Variants in PSTPIP1 observed in about 807,000 individuals in gnomAD.
PSTPIP1 encodes proline-serine-threonine phosphatase interacting protein 1, also known as proline-serine-threonine phosphatase-interacting protein 1.
A neutral mutation model predicts 69.6 loss-of-function variants in PSTPIP1; 66 were observed. The observed-to-expected ratio is 0.95, with a 90% CI of 0.78 to 1.16. The LOEUF (loss-of-function observed/expected upper bound fraction) is 1.16. PSTPIP1 is among the 50% of genes most tolerant of loss of function. The probability of loss-of-function intolerance (pLI) is 0.00; values close to 1 mark genes in which losing one functional copy is unlikely to be tolerated. For missense variants in PSTPIP1, 603 were observed against 557.4 expected (o/e 1.08, Z -0.82); for synonymous variants, 266 against 222.7 (o/e 1.19, Z -1.73).
intron 1 of PSTPIP1, among the ~76,000 whole-genome samples, chr15:77,001,767 A>T (rs2075713166): frequency 6.6e-6 from 1 of 152,218 alleles, no homozygotes; most frequent in Non-Finnish European, 1.5e-5. Context: ...GTGGGGAAAT[A>T]AGCATTTATA....
At chr15:76,995,079 A>C (rs917780794), upstream of PSTPIP1, 3 of 1,176,910 alleles carry the variant, frequency 2.5e-6, no homozygotes, top group Middle Eastern at 3.9e-4. Flanking sequence ...CAGCAACTCC[A>C]CTTCCTGTGG....
At chr15:77,034,637 C>G (rs1237507513) in intron 12 of PSTPIP1, among the ~76,000 whole-genome samples, 1 of 152,180 alleles carries the variant, frequency 6.6e-6, no homozygotes, top group African/African-American at 2.4e-5. Flanking sequence ...TCCCCTGCAC[C>G]TGAGCCCTCC....
intron 10 of PSTPIP1, 149 bp downstream of exon 10, chr15:77,031,427 T>TG: frequency 1.3e-6 from 1 of 753,582 alleles, no homozygotes; most frequent in South Asian, 1.6e-5. Flanking sequence ...GCTCAGCCTT[T>TG]GCCCCCAGAA....
At chr15:77,035,060 G>T (rs2076523491) in intron 12 of PSTPIP1, among the ~76,000 whole-genome samples, 1 of 152,228 alleles carries the variant, frequency 6.6e-6, no homozygotes, top group African/African-American at 2.4e-5. Flanking sequence ...GTGTGGCAGT[G>T]CACCCCCCAC....
At position 77,037,303 on chromosome 15, in the gene PSTPIP1, C is replaced by A; in HGVS notation, c.*127C>A. ...GCCCCGAGAGGGAGCCTGTCGTCTC[C>A]CAGGGAATAAAGGAGTGCGTTCTGT... On this transcript the variant is annotated 3_prime_UTR_variant, in exon 15 of 15. Coordinates refer to ENST00000558012, the MANE Select transcript of PSTPIP1 (RefSeq NM_003978.5). The A allele has an allele frequency of 1.5e-6, 2 of 1,297,084 alleles. No individual in the cohort carries two copies. The highest frequency in any genetic ancestry group is 1.4e-5 in the South Asian group (1 of 69,990). 80.3% of individuals were successfully genotyped at this position (1,297,084 alleles called of 1,614,324 possible).
At chr15:77,024,658 G>C (rs1445388576) in intron 3 of PSTPIP1, among the ~76,000 whole-genome samples, 1 of 152,182 alleles carries the variant, frequency 6.6e-6, no homozygotes, top group Non-Finnish European at 1.5e-5. Context: ...TGGGTGTCCT[G>C]TTTTTATGTG....
Position 77,028,540 on chromosome 15 carries a change from C to T in PSTPIP1, c.418-14C>T, listed in dbSNP as rs770168257. Reference sequence around the variant, plus strand: ...GCTGTGCAGCCCCCAAGTCACGCCCCTCCACACCCCCAGTCCAAGAAGACA... The same window carrying T: ...GCTGTGCAGCCCCCAAGTCACGCCCTTCCACACCCCCAGTCCAAGAAGACA... On this transcript the variant is annotated splice_polypyrimidine_tract_variant and intron_variant, in intron 6 of 14. Coordinates refer to ENST00000558012, the MANE Select transcript of PSTPIP1 (RefSeq NM_003978.5). 1.3e-6 allele frequency: 2 copies of T among 1,589,708 alleles called. No homozygotes were observed.
chr15:76,995,009 G>C (rs1299691409), upstream of PSTPIP1: 2 of 1,188,204 alleles, frequency 1.7e-6, no homozygotes, highest in Non-Finnish European at 2.1e-6. Flanking sequence ...CACCTCGGGA[G>C]GGGGCAAGCA....
chr15:76,995,160 G>A lies in PSTPIP1; in HGVS notation c.-414G>A. The A allele has an allele frequency of 1.7e-6, 2 of 1,187,528 alleles. No homozygotes were observed. The allele number at this position is 1,187,528 out of a possible 1,614,324, so 73.6% of individuals were successfully genotyped here. On this transcript the variant is annotated 5_prime_UTR_variant, in exon 1 of 15. Transcript: ENST00000558012. ...TGCGCAGGCCTCGGGCTGCCTGCCT[G>A]CCTGCCTGCCTGGCCCGGCCCGAGC...
At chr15:77,009,918 T>A (rs540092791) in intron 1 of PSTPIP1, among the ~76,000 whole-genome samples, 1 of 152,286 alleles carries the variant, frequency 6.6e-6, no homozygotes, top group Non-Finnish European at 1.5e-5. Flanking sequence ...GGATGTGCAA[T>A]GACAGTGCCT....
chr15:77,031,169 A>G lies in PSTPIP1; in HGVS notation c.643-11A>G. On this transcript the variant is annotated splice_polypyrimidine_tract_variant and intron_variant, in intron 9 of 14. Coordinates refer to ENST00000558012, the MANE Select transcript of PSTPIP1 (RefSeq NM_003978.5). ...CCTCCTCACTGCTCACCTCCCTCCC[A>G]CTGCCCCCAGGCCTTTCAGCTGCAA... The G allele has an allele frequency of 6.2e-7, 1 of 1,610,996 alleles. No homozygotes were observed. The highest frequency in any genetic ancestry group is 1.7e-5 in the Admixed American group (1 of 59,984).
intron 1 of PSTPIP1, among the ~76,000 whole-genome samples, chr15:77,016,583 C>A (rs34500166): frequency 0.41 from 61,745 of 151,752 alleles, 13,906 homozygotes; most frequent in Middle Eastern, 0.56. Context: ...GAGCCTGGAC[C>A]AGGCCCTCCT....
Position 77,037,216 on chromosome 15 carries a change from GAGCC to G in PSTPIP1, c.*44_*47del. On this transcript the variant is annotated 3_prime_UTR_variant, in exon 15 of 15. Coordinates refer to ENST00000558012, the MANE Select transcript of PSTPIP1 (RefSeq NM_003978.5). ...CCCCTTCGGACCTGCCCTGCCAGTG[GAGCC>G]AGCAGTGCCCCCAGCACTGTCCCCA... 6.4e-7 allele frequency: 1 copy of G among 1,561,644 alleles called. No homozygotes were observed. Among genetic ancestry groups the G allele is most frequent in the South Asian group, 1.2e-5 (1 of 85,954 alleles).
chr15:76,995,149 GCTGCCTGC>G lies in PSTPIP1; in HGVS notation c.-409_-402del, dbSNP rs55909412. The stretch of plus-strand genomic sequence containing the variant: ...ACAAACCTTCCTGCGCAGGCCTCGG[GCTGCCTGC>G]CTGCCTGCCTGCCTGGCCCGGCCCG... On this transcript the variant is annotated 5_prime_UTR_variant, in exon 1 of 15. Coordinates refer to ENST00000558012, the MANE Select transcript of PSTPIP1 (RefSeq NM_003978.5). 2.1e-4 allele frequency: 240 copies of G among 1,170,680 alleles called. No homozygotes were observed. Among genetic ancestry groups the G allele is most frequent in the Non-Finnish European group, 2.1e-4 (196 of 933,606 alleles). 72.5% of individuals were successfully genotyped at this position (1,170,680 alleles called of 1,614,324 possible).
intron 1 of PSTPIP1, 62 bp from the exon 2 acceptor site, chr15:77,018,086 C>T: frequency 2.0e-6 from 3 of 1,500,726 alleles, no homozygotes; most frequent in South Asian, 1.2e-5. Context: ...AGGGTCCCCA[C>T]AGGGCTGTGC....
At chr15:77,022,973 C>A (rs1596097725) in intron 3 of PSTPIP1, among the ~76,000 whole-genome samples, 1 of 152,208 alleles carries the variant, frequency 6.6e-6, no homozygotes, top group Non-Finnish European at 1.5e-5. Context: ...CAGACCATCA[C>A]TGTCAAGACT....
chr15:77,034,585 T>TGGTCC (rs1240096368), intron 12 of PSTPIP1, among the ~76,000 whole-genome samples: 1 of 151,730 alleles, frequency 6.6e-6, no homozygotes, highest in Non-Finnish European at 1.5e-5. Flanking sequence ...ACACCCAAAT[T>TGGTCC]GGTCCACTCC....
chr15:77,008,639 A>C (rs1037237223), intron 1 of PSTPIP1, among the ~76,000 whole-genome samples: 1 of 152,090 alleles, frequency 6.6e-6, no homozygotes, highest in African/African-American at 2.4e-5. Context: ...CGCACTCCTG[A>C]CCTCAGGTAA....
Position 77,035,506 on chromosome 15 carries a change from A to C in PSTPIP1, c.930-2A>C. The C allele has an allele frequency of 6.3e-7, 1 of 1,589,548 alleles. No homozygotes were observed. Among genetic ancestry groups the C allele is most frequent in the Non-Finnish European group, 8.6e-7 (1 of 1,168,428 alleles). On this transcript the variant is annotated splice_acceptor_variant, in intron 12 of 14. Transcript: ENST00000558012. LOFTEE classifies it high-confidence loss of function. ...CTCACCCTCTTTCCTCCCTGTTCCC[A>C]GGTTCTCTGGACTGCTGCACGGAAG...
Sources: gnomAD v4.1 joint callset for allele counts (sites outside exome capture counted in the v4.1 genomes callset) on GRCh38, gnomAD v4.1.1 for gene constraint, MANE v1.5 for transcripts, NCBI Gene and HGNC (gene_info 2026-07-23, HGNC 2026-07-21) for gene names.